COL5A1: variants seen among roughly 807,000 people sequenced by gnomAD.
COL5A1 encodes the protein collagen alpha-1(V) chain.
A neutral mutation model predicts 263.7 loss-of-function variants in COL5A1; 16 were observed. That is an observed-to-expected ratio of 0.06 (90% CI 0.04 to 0.09). COL5A1 has a LOEUF of 0.09. Among genes scored for constraint, COL5A1 ranks in the 10% least tolerant of loss-of-function variants. COL5A1 has a pLI of 1.00. For missense variants in COL5A1, 2,036 were observed against 2,540.5 expected (o/e 0.80, Z 4.27); for synonymous variants, 1,012 against 1,004.5 (o/e 1.01, Z -0.14).
At chr9:134,695,605 C>G (rs1295989296) in intron 2 of COL5A1, among the ~76,000 whole-genome samples, 1 of 152,148 alleles carries the variant, frequency 6.6e-6, no homozygotes, top group Non-Finnish European at 1.5e-5. Context: ...TCCCCTGTAC[C>G]CCCATAGAGC....
In COL5A1 at chr9:134,817,908, G is replaced by A. The variant is rs146381563; in HGVS notation, c.4230+77G>A. On this transcript the variant is annotated intron_variant, in intron 54 of 65. Transcript: ENST00000371817. ...CCCAGAGGGTGGGGAGTGGACAAGC[G>A]TGTGGGCAGAGATGTCCATGGAGGC... 3.4e-3 allele frequency: 4,801 copies of A among 1,419,888 alleles called. 33 individuals are homozygous for A. Among genetic ancestry groups the A allele is most frequent in the African/African-American group, 0.021 (1,469 of 70,752 alleles). 88.0% of individuals were successfully genotyped at this position (1,419,888 alleles called of 1,614,324 possible). A position where few individuals can be genotyped will look rare whatever the true frequency, so the allele number is the denominator to read the frequency against.
At chr9:134,734,890 T>A (rs1835042443) in intron 9 of COL5A1, among the ~76,000 whole-genome samples, 1 of 152,208 alleles carries the variant, frequency 6.6e-6, no homozygotes, top group Non-Finnish European at 1.5e-5. Context: ...CTGCCAGGTC[T>A]GAGGTCTTTT....
At chr9:134,708,188 A>G (rs1330562570) in intron 4 of COL5A1, among the ~76,000 whole-genome samples, 1 of 152,140 alleles carries the variant, frequency 6.6e-6, no homozygotes, top group Non-Finnish European at 1.5e-5. Flanking sequence ...CATGAGATGG[A>G]TGTGATGTGT....
At position 134,681,354 on chromosome 9, in the gene COL5A1, G is replaced by C. The variant is rs926284921; in HGVS notation, c.110-9558G>C. 2.0e-5 allele frequency among the ~76,000 whole-genome samples: 3 copies of C among 152,234 alleles called. No individual in the cohort carries two copies. Among genetic ancestry groups the C allele is most frequent in the African/African-American group, 7.2e-5 (3 of 41,466 alleles). On this transcript the variant is annotated intron_variant, in intron 1 of 65. Coordinates refer to ENST00000371817, the MANE Select transcript of COL5A1 (RefSeq NM_000093.5). This position sits in a 1 kb window ranked among gnomAD's most constrained non-coding sequence, Gnocchi z 4.3. Reference sequence around the variant, plus strand: ...ACAAACAGAGCAAATTGATGGCTTCGTGAACAATTTCTGCGAGCATCTGCG... The same window carrying C: ...ACAAACAGAGCAAATTGATGGCTTCCTGAACAATTTCTGCGAGCATCTGCG...
In COL5A1 at chr9:134,696,309, G is replaced by T. The variant is rs1279301820; in HGVS notation, c.278-3600G>T. Among the ~76,000 whole-genome samples the T allele has an allele frequency of 2.0e-5, 3 of 152,070 alleles. No individual in the cohort carries two copies. Among genetic ancestry groups the T allele is most frequent in the Non-Finnish European group, 1.5e-5 (1 of 68,024 alleles). The stretch of plus-strand genomic sequence containing the variant: ...CTGCCTCAGCCCCCCGAGTAGTTGG[G>T]ATTACAGGTGTGTGCCACCACACCC... On this transcript the variant is annotated intron_variant, in intron 2 of 65. Coordinates refer to ENST00000371817, the MANE Select transcript of COL5A1 (RefSeq NM_000093.5). The surrounding 1 kb of genome is among the most constrained non-coding windows in gnomAD (Gnocchi z 4.3).
chr9:134,785,888 C>A, intron 30 of COL5A1, 107 bp from the exon 31 acceptor site: 2 of 1,051,822 alleles, frequency 1.9e-6, no homozygotes, highest in Non-Finnish European at 2.9e-6. Flanking sequence ...CTGGAAACCA[C>A]ACCCTCCTCC....
At chr9:134,739,384 G>A (rs1835220835) in intron 11 of COL5A1, among the ~76,000 whole-genome samples, 1 of 152,260 alleles carries the variant, frequency 6.6e-6, no homozygotes, top group African/African-American at 2.4e-5. Flanking sequence ...CCTGCTGTTG[G>A]AATGAATGTG....
At chr9:134,743,966 C>T (rs1011008135) in intron 11 of COL5A1, among the ~76,000 whole-genome samples, 3 of 152,118 alleles carry the variant, frequency 2.0e-5, no homozygotes, top group African/African-American at 7.2e-5. Flanking sequence ...GGGGTGATGC[C>T]CTGCTATGCC....
chr9:134,824,753 C>G lies in COL5A1; in HGVS notation c.4852C>G (p.Leu1618Val), dbSNP rs759841015. ...AGAGATCTTCGGCTCTCTCAACTCTCTGAAGCTGGAGATTGAGCAGATGAA... is the reference window on the plus strand; with the variant it reads ...AGAGATCTTCGGCTCTCTCAACTCTGTGAAGCTGGAGATTGAGCAGATGAA... ...MEEIFGSLNS[L>V]KLEIEQMKRP... The change falls in exon 62 of 66, where the codon CTG (leucine) becomes GTG (valine). Residue 1618 changes from leucine (L) to valine (V), a missense_variant. Around this residue, in one of 3 missense-constraint regions of COL5A1, gnomAD observed 358 missense variants for 384.6 expected, o/e 0.93. Coordinates refer to ENST00000371817, the MANE Select transcript of COL5A1 (RefSeq NM_000093.5). 3 of 1,614,088 alleles carry G rather than the reference C, an allele frequency of 1.9e-6. No homozygotes were observed. The highest frequency in any genetic ancestry group is 1.3e-5 in the African/African-American group (1 of 74,944).
intron 11 of COL5A1, among the ~76,000 whole-genome samples, chr9:134,744,273 G>A (rs1835392573): frequency 1.3e-5 from 2 of 152,202 alleles, no homozygotes; most frequent in Non-Finnish European, 2.9e-5. Flanking sequence ...ACACACTCAA[G>A]CACACACGCT....
rs567044132 is a variant in COL5A1, at chr9:134,842,583, C to T, written c.*280C>T. 10 of 549,664 alleles carry T rather than the reference C, an allele frequency of 1.8e-5. No homozygotes were observed. Among genetic ancestry groups the T allele is most frequent in the South Asian group, 4.2e-5 (2 of 47,142 alleles). 34.0% of individuals were successfully genotyped at this position (549,664 alleles called of 1,614,324 possible). A position where few individuals can be genotyped will look rare whatever the true frequency, so the allele number is the denominator to read the frequency against. On this transcript the variant is annotated 3_prime_UTR_variant, in exon 66 of 66. Transcript: ENST00000371817. The surrounding 1 kb of genome is among the most constrained non-coding windows in gnomAD (Gnocchi z 5.8). ...TGTCCACACCCACGCGCCCCGGGAGCGGGGCCATGCCTCCAGCCCCCCAGC... is the reference window on the plus strand; with the variant it reads ...TGTCCACACCCACGCGCCCCGGGAGTGGGGCCATGCCTCCAGCCCCCCAGC...
intron 63 of COL5A1, 85 bp from the exon 64 acceptor site, chr9:134,829,891 A>C: frequency 6.9e-7 from 1 of 1,457,896 alleles, no homozygotes; most frequent in African/African-American, 1.4e-5. Context: ...GGGGCCGGGA[A>C]AGCCTGGGGC....
chr9:134,796,933 TGCCTGTCCCCTCCAAAACCC>T, intron 36 of COL5A1, 32 bp downstream of exon 36: 2 of 1,593,360 alleles, frequency 1.3e-6, no homozygotes, highest in Non-Finnish European at 1.7e-6. Context: ...GGGCCAGCAC[TGCCTGTCCCCTCCAAAACCC>T]ACCTGTCCCC....
Position 134,642,758 on chromosome 9 carries a change from A to G in COL5A1, c.109+462A>G, listed in dbSNP as rs1336773680. Among the ~76,000 whole-genome samples the G allele has an allele frequency of 6.6e-6, 1 of 152,194 alleles. No homozygotes were observed. Among genetic ancestry groups the G allele is most frequent in the African/African-American group, 2.4e-5 (1 of 41,448 alleles). On this transcript the variant is annotated intron_variant, in intron 1 of 65. Transcript: ENST00000371817. This position sits in a 1 kb window ranked among gnomAD's most constrained non-coding sequence, Gnocchi z 4.5. The stretch of plus-strand genomic sequence containing the variant: ...CTCCTGGGGATGGGGGGAATCCCAG[A>G]AGCCTGGGCCCCCAGCACTGAACTT...
intron 27 of COL5A1, among the ~76,000 whole-genome samples, chr9:134,775,161 C>T (rs1009330941): frequency 2.0e-5 from 3 of 152,216 alleles, no homozygotes; most frequent in African/African-American, 4.8e-5. Context: ...AGTCTGGTGA[C>T]GACGCCAGGG....
At chr9:134,810,799 C>G (rs975646353) in intron 44 of COL5A1, among the ~76,000 whole-genome samples, 1 of 152,110 alleles carries the variant, frequency 6.6e-6, no homozygotes. Context: ...AGGCCTTTCC[C>G]CCAGTATGTT....
At position 134,642,085 on chromosome 9, in the gene COL5A1, T is replaced by C. The variant is rs1831306294; in HGVS notation, c.-103T>C. 2.0e-6 allele frequency: 2 copies of C among 1,013,518 alleles called. No individual in the cohort carries two copies. Among genetic ancestry groups the C allele is most frequent in the Non-Finnish European group, 2.5e-6 (2 of 789,650 alleles). 62.8% of individuals were successfully genotyped at this position (1,013,518 alleles called of 1,614,324 possible). A position where few individuals can be genotyped will look rare whatever the true frequency, so the allele number is the denominator to read the frequency against. On this transcript the variant is annotated 5_prime_UTR_variant, in exon 1 of 66. Coordinates refer to ENST00000371817, the MANE Select transcript of COL5A1 (RefSeq NM_000093.5). The surrounding 1 kb of genome is among the most constrained non-coding windows in gnomAD (Gnocchi z 4.5). ...AGGTCCCCATGACCTCCTAAAGTGGTGCGGTCCCTGCTGAGTGCGCTGCCC... is the reference window on the plus strand; with the variant it reads ...AGGTCCCCATGACCTCCTAAAGTGGCGCGGTCCCTGCTGAGTGCGCTGCCC...
intron 18 of COL5A1, among the ~76,000 whole-genome samples, chr9:134,759,184 CAT>C (rs1436319971): frequency 2.6e-5 from 4 of 151,798 alleles, no homozygotes; most frequent in South Asian, 2.1e-4. Context: ...CATACAGGCA[CAT>C]GAGTATGTGA....
At position 134,772,072 on chromosome 9, in the gene COL5A1, A is replaced by T. The variant is rs564786667; in HGVS notation, c.2287-718A>T. Among the ~76,000 whole-genome samples, 3 of 152,304 alleles carry T rather than the reference A, an allele frequency of 2.0e-5. No individual in the cohort carries two copies. The South Asian group carries it at 6.2e-4, about 32-fold the overall frequency. ...CTAGAGCCTCGGCTGGGTACCTGTC[A>T]CATGGGGCATAGGTCCTCACCTTCG... On this transcript the variant is annotated intron_variant, in intron 25 of 65. Coordinates refer to ENST00000371817, the MANE Select transcript of COL5A1 (RefSeq NM_000093.5).
Sources: allele counts gnomAD v4.1 joint callset (sites outside exome capture counted in the v4.1 genomes callset), GRCh38; gene constraint gnomAD v4.1.1; regional missense constraint gnomAD v4.1.1; non-coding constraint Gnocchi (gnomAD v3.1); transcripts MANE v1.5; gene names NCBI Gene and HGNC (gene_info 2026-07-23, HGNC 2026-07-21).